SYNE2: variants seen among roughly 807,000 people sequenced by gnomAD.
SYNE2 encodes the protein spectrin repeat containing nuclear envelope protein 2.
SYNE2 carries 431 observed loss-of-function variants against 856.3 expected under a neutral mutation model. The observed-to-expected ratio is 0.50, with a 90% CI of 0.47 to 0.55. The LOEUF (loss-of-function observed/expected upper bound fraction) is 0.55. SYNE2 is among the 20% of genes least tolerant of loss of function. The pLI is 0.00. For missense variants in SYNE2, 8,129 were observed against 8,023.2 expected, an observed-to-expected ratio of 1.01 and a Z score of -0.50; for synonymous variants, 2,923 against 2,872.3, an observed-to-expected ratio of 1.02 and a Z score of -0.56.
intron 50 of SYNE2, among the ~76,000 whole-genome samples, chr14:64,063,197 G>A (rs958208254): frequency 2.6e-5 from 4 of 152,152 alleles, no homozygotes; most frequent in Non-Finnish European, 4.4e-5. Flanking sequence ...TACAGTGCCC[G>A]CCACCATGCC....
At chr14:64,106,139 C>T (rs541202464) in intron 64 of SYNE2, among the ~76,000 whole-genome samples, 1 of 148,372 alleles carries the variant, frequency 6.7e-6, no homozygotes, top group Non-Finnish European at 1.5e-5. Context: ...CAGACCCCCC[C>T]CCCCAACCAA....
chr14:63,949,084 G>C (rs1281984979), intron 6 of SYNE2, among the ~76,000 whole-genome samples: 2 of 151,812 alleles, frequency 1.3e-5, no homozygotes, highest in African/African-American at 4.8e-5. Context: ...TGGATTGTCT[G>C]ATTAGTCTGT....
intron 22 of SYNE2, 72 bp downstream of exon 22, chr14:63,994,041 A>G (rs1178889648): frequency 1.3e-6 from 2 of 1,510,890 alleles, no homozygotes; most frequent in Non-Finnish European, 9.2e-7. Flanking sequence ...TGTCAGAGCC[A>G]TTCCTGGGGT....
chr14:64,029,882 G>T lies in SYNE2; in HGVS notation c.6715-13G>T. On this transcript the variant is annotated splice_polypyrimidine_tract_variant and intron_variant, in intron 43 of 115. Transcript: ENST00000555002. ...AGAAATAATTTGTAAATTGTCTGTG[G>T]CTTTATTTTTAGGATTCTGTGCAAA... The T allele has an allele frequency of 6.2e-7, 1 of 1,611,870 alleles. No homozygotes were observed. Among genetic ancestry groups the T allele is most frequent in the Non-Finnish European group, 8.5e-7 (1 of 1,178,796 alleles).
chr14:64,139,884 A>C (rs2098126475), intron 79 of SYNE2, 57 bp from the exon 80 acceptor site: 1 of 1,593,192 alleles, frequency 6.3e-7, no homozygotes, highest in African/African-American at 1.3e-5. Context: ...CTGGTGATGC[A>C]TATCATTATC....
intron 1 of SYNE2, among the ~76,000 whole-genome samples, chr14:63,900,310 C>T (rs1248161889): frequency 6.6e-6 from 1 of 152,150 alleles, no homozygotes; most frequent in Admixed American, 6.5e-5. Flanking sequence ...TAAAGACATA[C>T]TTGAGACTGG....
intron 1 of SYNE2, among the ~76,000 whole-genome samples, chr14:63,894,356 A>G (rs979956539): frequency 2.0e-5 from 3 of 152,076 alleles, no homozygotes; most frequent in African/African-American, 7.2e-5. Flanking sequence ...AGCTAGGACT[A>G]TAGGCATGCT....
chr14:64,089,648 A>G lies in SYNE2; in HGVS notation c.11745A>G (p.Ser3915=). Residue 3915 remains serine, a synonymous_variant, in exon 59 of 116, where the codon TCA becomes TCG. Coordinates refer to ENST00000555002, the MANE Select transcript of SYNE2 (RefSeq NM_182914.3). ...CAAAAATCAAAACTATCCTATTATC[A>G]AAAGAAATATTTGATTTTTCACCTG... ...RVSKIKTILL[S]KEIFDFSPEE... The G allele has an allele frequency of 6.2e-7, 1 of 1,603,258 alleles. No homozygotes were observed. The highest frequency in any genetic ancestry group is 8.5e-7 in the Non-Finnish European group (1 of 1,170,802).
intron 57 of SYNE2, chr14:64,085,004 G>A (rs1231346914): frequency 1.4e-6 from 1 of 702,362 alleles, no homozygotes; most frequent in African/African-American, 1.7e-5. Flanking sequence ...TCACACCATG[G>A]CAGCTGGCTT....
rs76054163 is a variant in SYNE2 at position 63,986,406 on chromosome 14, T to G, written c.2152-50T>G. 128,066 of 1,601,024 alleles carry G rather than the reference T, an allele frequency of 0.08. 5,897 individuals carry two copies. The highest frequency in any genetic ancestry group is 0.095 in the Non-Finnish European group (110,927 of 1,170,042). On this transcript the variant is annotated intron_variant, in intron 18 of 115. Coordinates refer to ENST00000555002, the MANE Select transcript of SYNE2 (RefSeq NM_182914.3). ...TAACTTTTTGAAAAGGAAAATTATT[T>G]TGTTATGTACATGCTGACATTTTCT...
At chr14:64,208,966 A>AATGCCTTC (rs778349264) in intron 101 of SYNE2, 21 bp downstream of exon 101, 72 of 1,612,024 alleles carry the variant, frequency 4.5e-5, no homozygotes, top group Non-Finnish European at 6.0e-5. Context: ...AGCTCCCCCA[A>AATGCCTTC]ATGCCTTCAG....
intron 113 of SYNE2, 134 bp from the exon 114 acceptor site, chr14:64,224,327 G>T: frequency 2.3e-6 from 2 of 859,652 alleles, no homozygotes; most frequent in Non-Finnish European, 2.0e-6. Flanking sequence ...CTCCAGCCTG[G>T]GTGACACAGT....
rs754342965 is a variant in SYNE2, at chr14:64,167,603, C to A, written c.16869C>A (p.Ser5623Arg). ...EEALKVDVAN[S>R]LPELLEQQKT... ...CACTCAAAGTGGATGTGGCTAACAG[C>A]CTTCCTGAGCTCCTGGAGCAGCAGA... Residue 5623 changes from serine to arginine, a missense_variant, in exon 92 of 116, where the codon AGC (serine) becomes AGA (arginine). Around this residue, in one of 3 missense-constraint regions of SYNE2, gnomAD observed 5,410 missense variants for 5,284.8 expected, o/e 1.02. Transcript: ENST00000555002. 1 of 1,614,080 alleles carries A rather than the reference C, an allele frequency of 6.2e-7. No individual in the cohort carries two copies. The highest frequency in any genetic ancestry group is 1.3e-5 in the African/African-American group (1 of 74,926).
intron 68 of SYNE2, 143 bp downstream of exon 68, chr14:64,121,204 A>T (rs1263890799): frequency 1.8e-6 from 2 of 1,138,690 alleles, no homozygotes; most frequent in East Asian, 5.1e-5. Context: ...AGCCTGGGCA[A>T]CATAGCGAGA....
intron 45 of SYNE2, among the ~76,000 whole-genome samples, chr14:64,045,198 G>T (rs2097177079): frequency 6.6e-6 from 1 of 152,168 alleles, no homozygotes; most frequent in African/African-American, 2.4e-5. Context: ...GGCTTTGGGA[G>T]TTGGTAAACA....
intron 96 of SYNE2, among the ~76,000 whole-genome samples, chr14:64,179,350 G>T (rs1596020228): frequency 6.6e-6 from 1 of 152,058 alleles, no homozygotes; most frequent in Admixed American, 6.5e-5. Flanking sequence ...CGTTGGCCAG[G>T]CTGGTCTTGA....
Position 64,078,626 on chromosome 14 carries a change from C to G in SYNE2, c.11163+20C>G. 2.5e-6 allele frequency: 4 copies of G among 1,612,718 alleles called. No individual in the cohort carries two copies. The highest frequency in any genetic ancestry group is 3.4e-6 in the Non-Finnish European group (4 of 1,179,580). ...CAAAAGGTAAAATCCTCCTTTAACT[C>G]CCTTCAGCATTTGGTACTTCTGACC... On this transcript the variant is annotated intron_variant, in intron 55 of 115. Coordinates refer to ENST00000555002, the MANE Select transcript of SYNE2 (RefSeq NM_182914.3).
chr14:63,959,653 A>G (rs894659396), intron 8 of SYNE2, among the ~76,000 whole-genome samples: 6 of 151,908 alleles, frequency 3.9e-5, no homozygotes, highest in African/African-American at 1.5e-4. Context: ...GTTGGTTGTT[A>G]CTAATTCTTG....
Position 63,960,779 on chromosome 14 carries a change from C to T in SYNE2, c.788-746C>T, listed in dbSNP as rs762825352. 6.5e-6 allele frequency: 5 copies of T among 763,674 alleles called. No homozygotes were observed. The East Asian group carries it at 1.2e-4, about 19-fold the overall frequency. The allele number at this position is 763,674 out of a possible 1,614,324, so 47.3% of individuals were successfully genotyped here. A position where few individuals can be genotyped will look rare whatever the true frequency, so the allele number is the denominator to read the frequency against. ...CACTTTACAGAATTTATATGCCTGG[C>T]ACAGTGTCTTGTGCCAGCTACTTGT... On this transcript the variant is annotated intron_variant, in intron 8 of 115. Coordinates refer to ENST00000555002, the MANE Select transcript of SYNE2 (RefSeq NM_182914.3).
Sources: allele counts gnomAD v4.1 joint callset (sites outside exome capture counted in the v4.1 genomes callset), GRCh38; gene constraint gnomAD v4.1.1; regional missense constraint gnomAD v4.1.1; transcripts MANE v1.5; gene names NCBI Gene and HGNC (gene_info 2026-07-23, HGNC 2026-07-21).